The following SMYD3 variants were observed in gnomAD, a reference collection of about 807,000 sequenced individuals.
The protein encoded by SMYD3 is histone-lysine N-methyltransferase SMYD3.
In SMYD3, 36 loss-of-function variants were observed where a neutral mutation model predicts 57.7. The ratio of observed to expected loss-of-function variants is 0.62; its 90% CI spans 0.48 to 0.82. SMYD3 has a LOEUF of 0.82. Among genes scored for constraint, SMYD3 ranks in the 40% least tolerant of loss-of-function variants. The pLI, the probability that SMYD3 is intolerant of heterozygous loss-of-function variation, is 0.00. For synonymous variants in SMYD3, 211 were observed against 195.0 expected, an observed-to-expected ratio of 1.08 and a Z score of -0.68; for missense variants, 515 against 538.8, an observed-to-expected ratio of 0.96 and a Z score of 0.44.
chr1:246,367,310 A>G (rs146857561), intron 1 of SMYD3, among the ~76,000 whole-genome samples: 2 of 152,330 alleles, frequency 1.3e-5, no homozygotes, highest in South Asian at 2.1e-4. Flanking sequence ...AAGGAGTTAG[A>G]TAAGTTTTCT....
At chr1:246,370,895 A>G (rs1240093117) in intron 1 of SMYD3, among the ~76,000 whole-genome samples, 1 of 152,322 alleles carries the variant, frequency 6.6e-6, no homozygotes, top group East Asian at 1.9e-4. Context: ...TGATACCTCA[A>G]TCTACATTCA....
chr1:246,215,227 A>T (rs1478883990), intron 5 of SMYD3, among the ~76,000 whole-genome samples: 2 of 152,134 alleles, frequency 1.3e-5, no homozygotes, highest in African/African-American at 2.4e-5. Flanking sequence ...TTCACTAAAT[A>T]CATCTTTGTT....
At chr1:245,802,994 C>G (rs1380086549) in intron 10 of SMYD3, among the ~76,000 whole-genome samples, 1 of 152,200 alleles carries the variant, frequency 6.6e-6, no homozygotes, top group African/African-American at 2.4e-5. Flanking sequence ...GTGGACACCA[C>G]TTGCCTCTCA....
chr1:246,258,956 A>C (rs545965251), intron 5 of SMYD3, among the ~76,000 whole-genome samples: 1 of 152,304 alleles, frequency 6.6e-6, no homozygotes, highest in South Asian at 2.1e-4. Flanking sequence ...GTTAATTCAA[A>C]AGACTGATCT....
At chr1:245,939,321 G>C (rs772941813) in intron 5 of SMYD3, among the ~76,000 whole-genome samples, 1 of 152,124 alleles carries the variant, frequency 6.6e-6, no homozygotes, top group African/African-American at 2.4e-5. Context: ...CATTATAGAA[G>C]TATCGGTTTA....
chr1:246,177,943 T>C (rs2062462021), intron 5 of SMYD3, among the ~76,000 whole-genome samples: 1 of 152,210 alleles, frequency 6.6e-6, no homozygotes, highest in Admixed American at 6.5e-5. Context: ...ACTCTCTTGG[T>C]TCCTGCTTTC....
rs988104416 is a variant in SMYD3, at chr1:246,355,608, TG to T, written c.165-515del. Among the ~76,000 whole-genome samples, 2 of 152,042 alleles carry T rather than the reference TG, an allele frequency of 1.3e-5. No individual in the cohort carries two copies. The highest frequency in any genetic ancestry group is 4.8e-5 in the African/African-American group (2 of 41,386). On this transcript the variant is annotated intron_variant, in intron 1 of 11. Coordinates refer to ENST00000490107, the MANE Select transcript of SMYD3 (RefSeq NM_001167740.2). The surrounding 1 kb of genome is among the most constrained non-coding windows in gnomAD (Gnocchi z 5.0). The stretch of plus-strand genomic sequence containing the variant: ...ACTCCGTGCTGCTGTGGGGGCACGG[TG>T]GGAGTGAGACCAGCCTTTAGGACTG...
intron 5 of SMYD3, among the ~76,000 whole-genome samples, chr1:246,102,680 G>A (rs2061036394): frequency 6.6e-6 from 1 of 151,906 alleles, no homozygotes; most frequent in Admixed American, 6.6e-5. Flanking sequence ...GGCTGAGGCA[G>A]GAGGATTGCT....
In SMYD3 at chr1:245,856,515, T is replaced by C. The variant is rs540527270; in HGVS notation, c.1076+1981A>G. 3.3e-5 allele frequency among the ~76,000 whole-genome samples: 5 copies of C among 152,356 alleles called. No individual in the cohort carries two copies. In the South Asian group the frequency reaches 1.0e-3, roughly 32 times the overall value. On this transcript the variant is annotated intron_variant, in intron 10 of 11. Coordinates refer to ENST00000490107, the MANE Select transcript of SMYD3 (RefSeq NM_001167740.2). ...TTCCCAAACATAATGGACTGTATTC[T>C]GGTGGAGGACTTGGCCTCACTTACA... is the stretch of plus-strand genomic sequence containing the variant.
Position 245,773,090 on chromosome 1 carries a change from T to TAAAAAAAA in SMYD3, c.1077-8949_1077-8942dup, listed in dbSNP as rs34679948. On this transcript the variant is annotated intron_variant, in intron 10 of 11. Coordinates refer to ENST00000490107, the MANE Select transcript of SMYD3 (RefSeq NM_001167740.2). ...CTGGGTTGGGGGTGGGGAGAATCAC[T>TAAAAAAAA]AAAAAAAAAAAAAAAAAAAAGCATG... Among the ~76,000 whole-genome samples, 9 of 86,248 alleles carry TAAAAAAAA rather than the reference T, an allele frequency of 1.0e-4. 2 individuals are homozygous for TAAAAAAAA. Among genetic ancestry groups the TAAAAAAAA allele is most frequent in the Non-Finnish European group, 1.6e-4 (6 of 38,544 alleles). The allele number at this position is 86,248 out of a possible 152,430, so 56.6% of individuals were successfully genotyped here.
intron 9 of SMYD3, 41 bp from the exon 10 acceptor site, chr1:245,858,711 G>A (rs759432037): frequency 1.9e-6 from 3 of 1,576,324 alleles, no homozygotes; most frequent in Non-Finnish European, 2.6e-6. Context: ...TCTTCATCAA[G>A]AAAAAAACAA....
At chr1:246,154,314 G>A (rs537872296) in intron 5 of SMYD3, among the ~76,000 whole-genome samples, 6 of 152,308 alleles carry the variant, frequency 3.9e-5, no homozygotes, top group African/African-American at 1.2e-4. Flanking sequence ...GATATAAAAG[G>A]TGTAATGTTC....
chr1:246,280,530 G>C (rs2064420885), intron 5 of SMYD3, among the ~76,000 whole-genome samples: 1 of 152,184 alleles, frequency 6.6e-6, no homozygotes, highest in South Asian at 2.1e-4. Context: ...GGCTGAGGCA[G>C]GAGGATTGCT....
intron 8 of SMYD3, among the ~76,000 whole-genome samples, chr1:245,885,442 C>A (rs4654064): frequency 6.6e-6 from 1 of 152,018 alleles, no homozygotes; most frequent in Non-Finnish European, 1.5e-5. Flanking sequence ...GTCTGTGACT[C>A]GATTTTACAG....
At chr1:246,028,603 G>A (rs555593748) in intron 5 of SMYD3, among the ~76,000 whole-genome samples, 1 of 152,202 alleles carries the variant, frequency 6.6e-6, no homozygotes, top group East Asian at 1.9e-4. Context: ...AAATGGAGAT[G>A]TCCCATGCTT....
intron 8 of SMYD3, among the ~76,000 whole-genome samples, chr1:245,867,645 TGCGCGTGCGTGTGC>T (rs1339342028): frequency 7.4e-6 from 1 of 135,244 alleles, no homozygotes; most frequent in Non-Finnish European, 1.6e-5. Flanking sequence ...GATATGTGCA[TGCGCGTGCGTGTGC>T]GTGCGCGCGC....
intron 8 of SMYD3, among the ~76,000 whole-genome samples, chr1:245,910,962 A>G (rs2054926874): frequency 6.6e-6 from 1 of 152,112 alleles, no homozygotes; most frequent in Non-Finnish European, 1.5e-5. Context: ...GAAACAACCT[A>G]TAGAATTGAA....
intron 5 of SMYD3, among the ~76,000 whole-genome samples, chr1:246,147,474 C>T (rs1052165917): frequency 6.6e-6 from 1 of 152,188 alleles, no homozygotes; most frequent in Admixed American, 6.5e-5. Flanking sequence ...ATGGCAGCTG[C>T]TGCTGCAACA....
chr1:246,088,226 ACACT>A (rs1160121190), intron 5 of SMYD3, among the ~76,000 whole-genome samples: 2 of 151,862 alleles, frequency 1.3e-5, no homozygotes, highest in African/African-American at 2.4e-5. Flanking sequence ...GGACACACAC[ACACT>A]CTCTCTCTCT....
Sources: gnomAD v4.1 joint callset for allele counts (sites outside exome capture counted in the v4.1 genomes callset) on GRCh38, gnomAD v4.1.1 for gene constraint, Gnocchi (gnomAD v3.1) non-coding constraint, MANE v1.5 for transcripts, NCBI Gene and HGNC (gene_info 2026-07-23, HGNC 2026-07-21) for gene names.